The following GRIN2B variants were observed in gnomAD, a reference collection of about 807,000 sequenced individuals.
GRIN2B encodes glutamate ionotropic receptor NMDA type subunit 2B.
A neutral mutation model predicts 114.5 loss-of-function variants in GRIN2B; 5 were observed. The ratio of observed to expected loss-of-function variants is 0.04; its 90% CI spans 0.02 to 0.09. The LOEUF is 0.09. Among genes scored for constraint, GRIN2B ranks in the 10% least tolerant of loss-of-function variants. The probability of loss-of-function intolerance (pLI) is 1.00; values close to 1 mark genes in which losing one functional copy is unlikely to be tolerated. For synonymous variants in GRIN2B, 787 were observed against 745.1 expected (o/e 1.06, Z -0.92); for missense variants, 1,108 against 1,943.5 (o/e 0.57, Z 8.08).
chr12:13,878,945 G>T (rs1254395062), intron 2 of GRIN2B, among the ~76,000 whole-genome samples: 2 of 152,168 alleles, frequency 1.3e-5, no homozygotes, highest in African/African-American at 2.4e-5. Context: ...GGAAAATGTG[G>T]TCATTAAATG....
intron 5 of GRIN2B, among the ~76,000 whole-genome samples, chr12:13,627,859 G>A (rs1949584316): frequency 6.6e-6 from 1 of 152,210 alleles, no homozygotes; most frequent in Non-Finnish European, 1.5e-5. Context: ...GCTAGGTGCA[G>A]TCATTTGCAT....
At chr12:13,812,603 A>G (rs1311713156) in intron 3 of GRIN2B, among the ~76,000 whole-genome samples, 1 of 152,244 alleles carries the variant, frequency 6.6e-6, no homozygotes, top group Non-Finnish European at 1.5e-5. Context: ...TGAACACTGC[A>G]AATGATATAA....
rs752730251 is a variant in GRIN2B at position 13,557,532 on chromosome 12, T to C, written c.*5251A>G. The C allele has an allele frequency of 2.0e-5, 3 of 152,232 alleles. No homozygotes were observed. The highest frequency in any genetic ancestry group is 4.8e-5 in the African/African-American group (2 of 41,458). 9.4% of individuals were successfully genotyped at this position (152,232 alleles called of 1,614,324 possible). A position where few individuals can be genotyped will look rare whatever the true frequency, so the allele number is the denominator to read the frequency against. ...ATGTAATGGAGGAGAAGCATCACTC[T>C]TCTATTTTCTATGGAAAGAATCATA... On this transcript the variant is annotated 3_prime_UTR_variant, in exon 14 of 14. Coordinates refer to ENST00000609686, the MANE Select transcript of GRIN2B (RefSeq NM_000834.5).
intron 2 of GRIN2B, among the ~76,000 whole-genome samples, chr12:13,931,874 C>T (rs219887): frequency 0.75 from 114,368 of 151,968 alleles, 44,013 homozygotes; most frequent in Non-Finnish European, 0.86. Context: ...TCCACCACCT[C>T]CATAACTGCG....
intron 3 of GRIN2B, among the ~76,000 whole-genome samples, chr12:13,795,014 C>T (rs1289394521): frequency 1.3e-5 from 2 of 152,214 alleles, no homozygotes; most frequent in African/African-American, 2.4e-5. Context: ...CCCTATGATT[C>T]TTTGGGCCAT....
chr12:13,772,467 G>A (rs761604335), intron 3 of GRIN2B, among the ~76,000 whole-genome samples: 36 of 152,218 alleles, frequency 2.4e-4, no homozygotes, highest in Non-Finnish European at 5.0e-4. Flanking sequence ...CCCCTGCTCA[G>A]TCGACAAGCT....
chr12:13,741,715 T>C (rs1186228160), intron 4 of GRIN2B, among the ~76,000 whole-genome samples: 2 of 152,104 alleles, frequency 1.3e-5, no homozygotes, highest in Non-Finnish European at 2.9e-5. Flanking sequence ...CCACCATGCC[T>C]GGCTAATTTA....
At chr12:13,967,346 A>C (rs1302687652) in intron 2 of GRIN2B, among the ~76,000 whole-genome samples, 1 of 152,212 alleles carries the variant, frequency 6.6e-6, no homozygotes, top group African/African-American at 2.4e-5. Flanking sequence ...AACCATAAAC[A>C]TTTACTACAA....
chr12:13,562,900 G>A lies in GRIN2B; in HGVS notation c.4338C>T (p.Ile1446=). The change falls in exon 14 of 14, where the codon ATC becomes ATT. Residue 1446 remains isoleucine (I), a synonymous_variant. Transcript: ENST00000609686. ...AGGGGTTGGACTGGTTCCCTATACA[G>A]ATGTCCTTCTGGAAACGGGCTGGCA... ...GAVPARFQKD[I]CIGNQSNPCV... 1 of 1,614,180 alleles carries A rather than the reference G, an allele frequency of 6.2e-7. No homozygotes were observed. The highest frequency in any genetic ancestry group is 8.5e-7 in the Non-Finnish European group (1 of 1,180,002).
At chr12:13,787,323 A>G (rs1010560464) in intron 3 of GRIN2B, among the ~76,000 whole-genome samples, 2 of 152,248 alleles carry the variant, frequency 1.3e-5, no homozygotes, top group Admixed American at 6.5e-5. Flanking sequence ...TCTATTTCAT[A>G]TAGTCTAGGA....
chr12:13,911,098 A>G (rs1475687725), intron 2 of GRIN2B, among the ~76,000 whole-genome samples: 2 of 151,970 alleles, frequency 1.3e-5, no homozygotes, highest in Non-Finnish European at 2.9e-5. Context: ...CGCACCTACT[A>G]CCATAGTGAG....
chr12:13,846,230 C>T (rs1399457355), intron 3 of GRIN2B, among the ~76,000 whole-genome samples: 2 of 152,264 alleles, frequency 1.3e-5, no homozygotes, highest in East Asian at 1.9e-4. Context: ...ACATCTACAC[C>T]ATGCAATGAA....
intron 3 of GRIN2B, among the ~76,000 whole-genome samples, chr12:13,780,554 A>G (rs1864090224): frequency 6.6e-6 from 1 of 152,230 alleles, no homozygotes; most frequent in South Asian, 2.1e-4. Flanking sequence ...AGAAATGGGA[A>G]CATTAATGAC....
At chr12:13,598,982 G>A (rs569319685) in intron 10 of GRIN2B, among the ~76,000 whole-genome samples, 8 of 152,274 alleles carry the variant, frequency 5.3e-5, no homozygotes, top group South Asian at 4.2e-4. Flanking sequence ...AAGCTGCTCC[G>A]TGCTGAGGGA....
At chr12:13,756,052 C>G (rs1048913941) in intron 3 of GRIN2B, among the ~76,000 whole-genome samples, 1 of 152,196 alleles carries the variant, frequency 6.6e-6, no homozygotes, top group African/African-American at 2.4e-5. Context: ...GAGTCTCACT[C>G]TGTCACCCAG....
chr12:13,965,557 CCA>C (rs138577851), intron 2 of GRIN2B, among the ~76,000 whole-genome samples: 144 of 150,268 alleles, frequency 9.6e-4, no homozygotes, highest in Middle Eastern at 3.4e-3. Flanking sequence ...AGATTACACA[CCA>C]CACACACACA....
intron 3 of GRIN2B, among the ~76,000 whole-genome samples, chr12:13,762,235 C>A (rs1187336117): frequency 6.6e-6 from 1 of 152,156 alleles, no homozygotes; most frequent in Non-Finnish European, 1.5e-5. Flanking sequence ...AATCTCCTGA[C>A]CTCGTGATCC....
At chr12:13,740,013 CA>C (rs1413336946) in intron 4 of GRIN2B, among the ~76,000 whole-genome samples, 2 of 152,102 alleles carry the variant, frequency 1.3e-5, no homozygotes, top group Non-Finnish European at 2.9e-5. Flanking sequence ...TTTGAGTTTG[CA>C]GGTGGCCAAT....
chr12:13,760,162 T>C (rs556578087), intron 3 of GRIN2B, among the ~76,000 whole-genome samples: 1 of 152,344 alleles, frequency 6.6e-6, no homozygotes, highest in African/African-American at 2.4e-5. Context: ...CACCATCAGA[T>C]GGACTACATG....
Sources: allele counts gnomAD v4.1 joint callset (sites outside exome capture counted in the v4.1 genomes callset), GRCh38; gene constraint gnomAD v4.1.1; transcripts MANE v1.5; gene names NCBI Gene and HGNC (gene_info 2026-07-23, HGNC 2026-07-21).